Variants in STAC observed in about 807,000 individuals in gnomAD.
STAC encodes SH3 and cysteine rich domain, also known as SH3 and cysteine-rich domain-containing protein.
Under a neutral mutation model 48.8 loss-of-function variants are expected in STAC, and 43 were observed. The ratio of observed to expected loss-of-function variants is 0.88; its 90% confidence interval spans 0.69 to 1.14. The LOEUF (loss-of-function observed/expected upper bound fraction) is 1.14. Ranked by LOEUF, STAC falls within the 50% of genes most tolerant of loss-of-function variation. The probability of loss-of-function intolerance (pLI) is 0.00; values close to 1 mark genes in which losing one functional copy is unlikely to be tolerated. For missense variants in STAC, 497 were observed against 504.0 expected, an observed-to-expected ratio of 0.99 and a Z score of 0.13; for synonymous variants, 193 against 179.5, an observed-to-expected ratio of 1.07 and a Z score of -0.60.
At chr3:36,436,441 A>T (rs1700835621) in intron 1 of STAC, among the ~76,000 whole-genome samples, 1 of 152,176 alleles carries the variant, frequency 6.6e-6, no homozygotes, top group African/African-American at 2.4e-5. Context: ...GTCCAGCAAG[A>T]AGCTACCCTT....
intron 1 of STAC, among the ~76,000 whole-genome samples, chr3:36,423,120 G>T (rs1700484532): frequency 6.6e-6 from 1 of 152,004 alleles, no homozygotes; most frequent in African/African-American, 2.4e-5. Context: ...GTTGAATGGG[G>T]TCTCCACCAT....
At chr3:36,488,505 T>G (rs961814835) in intron 5 of STAC, among the ~76,000 whole-genome samples, 1 of 152,202 alleles carries the variant, frequency 6.6e-6, no homozygotes, top group African/African-American at 2.4e-5. Flanking sequence ...CTTGGTCTTC[T>G]TATTCTACTC....
chr3:36,515,889 T>A (rs1407480365), intron 8 of STAC, among the ~76,000 whole-genome samples: 1 of 151,792 alleles, frequency 6.6e-6, no homozygotes, highest in Non-Finnish European at 1.5e-5. Context: ...TGGCCTTCTA[T>A]CTTTGCAACT....
At chr3:36,391,321 CTGTTTT>C (rs1699747458) in intron 1 of STAC, among the ~76,000 whole-genome samples, 1 of 152,182 alleles carries the variant, frequency 6.6e-6, no homozygotes, top group Non-Finnish European at 1.5e-5. Context: ...CCCCAGCATT[CTGTTTT>C]TCACCCGCAG....
chr3:36,474,202 C>T (rs537523103), intron 2 of STAC, among the ~76,000 whole-genome samples: 1 of 152,080 alleles, frequency 6.6e-6, no homozygotes, highest in Non-Finnish European at 1.5e-5. Context: ...CTATGAGACC[C>T]CATATGTAAC....
chr3:36,501,341 CAA>C (rs2125711371), intron 6 of STAC, among the ~76,000 whole-genome samples: 1 of 151,978 alleles, frequency 6.6e-6, no homozygotes, highest in African/African-American at 2.4e-5. Flanking sequence ...ATAATAAAGA[CAA>C]GAGCAGAAAT....
intron 2 of STAC, among the ~76,000 whole-genome samples, chr3:36,463,691 T>A (rs1697083963): frequency 9.2e-6 from 1 of 108,828 alleles, no homozygotes; most frequent in Admixed American, 1.4e-4. Context: ...CAGGCCCCAG[T>A]GTGCGATGTT....
intron 1 of STAC, among the ~76,000 whole-genome samples, chr3:36,389,529 G>C (rs1336246230): frequency 6.6e-6 from 1 of 152,030 alleles, no homozygotes. Context: ...TAAGAACATA[G>C]CACACAGTAT....
intron 10 of STAC, among the ~76,000 whole-genome samples, chr3:36,544,697 T>C (rs1013849546): frequency 2.0e-5 from 3 of 152,280 alleles, no homozygotes; most frequent in Admixed American, 2.0e-4. Flanking sequence ...TTAACAAACA[T>C]ATGAAAAAAG....
intron 1 of STAC, among the ~76,000 whole-genome samples, chr3:36,399,408 A>T (rs947281844): frequency 6.6e-6 from 1 of 152,222 alleles, no homozygotes; most frequent in Non-Finnish European, 1.5e-5. Context: ...GGGTTGATAG[A>T]CACCTGACAT....
At chr3:36,463,132 C>T (rs575060894) in intron 2 of STAC, among the ~76,000 whole-genome samples, 57 of 152,122 alleles carry the variant, frequency 3.7e-4, no homozygotes, top group African/African-American at 1.3e-3. Context: ...TTCTTTGCTT[C>T]GAGAAATTTT....
intron 5 of STAC, among the ~76,000 whole-genome samples, chr3:36,486,750 T>C (rs1189283889): frequency 6.6e-6 from 1 of 152,246 alleles, no homozygotes; most frequent in Non-Finnish European, 1.5e-5. Flanking sequence ...TGTGACTCTG[T>C]GGGACACTCA....
At chr3:36,417,985 G>T (rs981710856) in intron 1 of STAC, among the ~76,000 whole-genome samples, 2 of 152,036 alleles carry the variant, frequency 1.3e-5, no homozygotes, top group African/African-American at 2.4e-5. Flanking sequence ...ATGAGTGAAG[G>T]TTCTCAAATC....
At chr3:36,487,983 G>A (rs1697861080) in intron 5 of STAC, among the ~76,000 whole-genome samples, 1 of 152,204 alleles carries the variant, frequency 6.6e-6, no homozygotes, top group South Asian at 2.1e-4. Flanking sequence ...GGATTTATAT[G>A]TAAATAAAGG....
intron 1 of STAC, among the ~76,000 whole-genome samples, chr3:36,385,821 A>C (rs1699604771): frequency 1.3e-5 from 2 of 152,108 alleles, no homozygotes. Context: ...TGTAGGTAGC[A>C]ATAGTTTTCA....
chr3:36,434,639 G>T (rs1486637919), intron 1 of STAC, among the ~76,000 whole-genome samples: 1 of 152,182 alleles, frequency 6.6e-6, no homozygotes, highest in Non-Finnish European at 1.5e-5. Flanking sequence ...GCCTGTGTGG[G>T]CAGACTCTTT....
intron 1 of STAC, among the ~76,000 whole-genome samples, chr3:36,405,820 CA>C (rs1328836741): frequency 6.6e-6 from 1 of 152,156 alleles, no homozygotes; most frequent in Non-Finnish European, 1.5e-5. Flanking sequence ...TGCCTGGGCT[CA>C]AGCAATTACT....
chr3:36,468,102 A>T (rs1467517465), intron 2 of STAC, among the ~76,000 whole-genome samples: 1 of 151,990 alleles, frequency 6.6e-6, no homozygotes, highest in Non-Finnish European at 1.5e-5. Flanking sequence ...TTCATTGTTG[A>T]CCCAACAATC....
chr3:36,505,003 C>A (rs914698761), intron 7 of STAC, among the ~76,000 whole-genome samples: 1 of 151,962 alleles, frequency 6.6e-6, no homozygotes, highest in African/African-American at 2.4e-5. Context: ...ATAGCATTAA[C>A]ATTTATTTGG....
Sources: gnomAD v4.1 joint callset for allele counts (sites outside exome capture counted in the v4.1 genomes callset) on GRCh38, gnomAD v4.1.1 for gene constraint, MANE v1.5 for transcripts, NCBI Gene and HGNC (gene_info 2026-07-23, HGNC 2026-07-21) for gene names.